Variants in ADAMTS19 observed in about 807,000 individuals in gnomAD.
The protein encoded by ADAMTS19 is A disintegrin and metalloproteinase with thrombospondin motifs 19.
ADAMTS19 carries 93 observed loss-of-function variants against 153.3 expected under a neutral mutation model. The observed-to-expected ratio is 0.61, with a 90% CI of 0.51 to 0.72. ADAMTS19 has a LOEUF of 0.72. Ranked by LOEUF, ADAMTS19 falls within the 30% of genes least tolerant of loss-of-function variation. ADAMTS19 has a pLI of 0.00. For synonymous variants in ADAMTS19, 600 were observed against 556.6 expected, an observed-to-expected ratio of 1.08 and a Z score of -1.10; for missense variants, 1,482 against 1,552.1, an observed-to-expected ratio of 0.95 and a Z score of 0.76.
chr5:129,476,478 A>G (rs1340271336), intron 2 of ADAMTS19, among the ~76,000 whole-genome samples: 1 of 152,142 alleles, frequency 6.6e-6, no homozygotes. Context: ...AAATACGGAC[A>G]AATGAACAAA....
chr5:129,640,293 A>G (rs1219448831), intron 10 of ADAMTS19, among the ~76,000 whole-genome samples: 3 of 152,176 alleles, frequency 2.0e-5, no homozygotes, highest in Non-Finnish European at 2.9e-5. Context: ...AAAAAAGCTT[A>G]CAAACAGTTC....
At chr5:129,643,287 G>C (rs1463738144) in intron 11 of ADAMTS19, among the ~76,000 whole-genome samples, 1 of 149,362 alleles carries the variant, frequency 6.7e-6, no homozygotes, top group African/African-American at 2.5e-5. Context: ...GCTTGAGCCT[G>C]GAAGGCAGAG....
At chr5:129,468,178 G>A (rs1749937373) in intron 2 of ADAMTS19, among the ~76,000 whole-genome samples, 1 of 152,114 alleles carries the variant, frequency 6.6e-6, no homozygotes, top group Admixed American at 6.6e-5. Context: ...ATGTTAAAGG[G>A]CATGAGTATT....
At chr5:129,730,969 TTTTGTTTGA>T (rs538158333) in intron 21 of ADAMTS19, among the ~76,000 whole-genome samples, 1,486 of 148,104 alleles carry the variant, frequency 0.01, 11 homozygotes, top group Non-Finnish European at 0.017. Context: ...TTTTGTTTTG[TTTTGTTTGA>T]GACAGAGTCT....
chr5:129,519,561 C>T (rs1051064272), intron 3 of ADAMTS19, among the ~76,000 whole-genome samples: 1 of 151,886 alleles, frequency 6.6e-6, no homozygotes, highest in East Asian at 1.9e-4. Flanking sequence ...ATGGCCTAGC[C>T]TGCCTTTCAA....
At chr5:129,485,992 C>T (rs1561534948) in intron 2 of ADAMTS19, among the ~76,000 whole-genome samples, 4 of 152,008 alleles carry the variant, frequency 2.6e-5, no homozygotes, top group South Asian at 2.1e-4. Context: ...GGTTTCGCTA[C>T]GTTGGCCAGG....
chr5:129,557,700 A>T (rs977742553), intron 7 of ADAMTS19, among the ~76,000 whole-genome samples: 5 of 152,192 alleles, frequency 3.3e-5, no homozygotes, highest in Non-Finnish European at 7.4e-5. Flanking sequence ...AAGATGGATT[A>T]TTTCAATGTT....
intron 19 of ADAMTS19, among the ~76,000 whole-genome samples, chr5:129,697,306 G>A (rs972343469): frequency 2.0e-5 from 3 of 152,068 alleles, no homozygotes; most frequent in African/African-American, 7.2e-5. Context: ...AGTTTTTCAA[G>A]TTTAGTTTTG....
At chr5:129,597,311 C>T (rs769637157) in intron 8 of ADAMTS19, among the ~76,000 whole-genome samples, 2 of 152,056 alleles carry the variant, frequency 1.3e-5, no homozygotes, top group Admixed American at 6.5e-5. Context: ...TTGCCAGACA[C>T]GTTTTTAAGT....
chr5:129,488,101 TACTC>T (rs995743752), intron 2 of ADAMTS19, among the ~76,000 whole-genome samples: 7 of 152,096 alleles, frequency 4.6e-5, no homozygotes, highest in African/African-American at 1.4e-4. Context: ...ACCCTATAAA[TACTC>T]ACAGCAAAGA....
chr5:129,553,795 A>G (rs1353532599), intron 7 of ADAMTS19, among the ~76,000 whole-genome samples: 1 of 152,152 alleles, frequency 6.6e-6, no homozygotes, highest in African/African-American at 2.4e-5. Context: ...ATGAAAACTT[A>G]TAACAACCAA....
intron 2 of ADAMTS19, among the ~76,000 whole-genome samples, chr5:129,471,175 A>G (rs1290465019): frequency 2.0e-5 from 3 of 151,584 alleles, no homozygotes; most frequent in Non-Finnish European, 4.4e-5. Context: ...AGACTGAATG[A>G]CAAACCTAAA....
intron 6 of ADAMTS19, among the ~76,000 whole-genome samples, chr5:129,546,940 T>C (rs544967115): frequency 6.6e-6 from 1 of 151,016 alleles, no homozygotes. Flanking sequence ...AGAGATTGGA[T>C]TAAAAGAATG....
chr5:129,624,728 A>T (rs1305144958), intron 10 of ADAMTS19, among the ~76,000 whole-genome samples: 1 of 152,224 alleles, frequency 6.6e-6, no homozygotes. Context: ...TTATTTTAAT[A>T]TATCACATGC....
rs140774439 is a variant in ADAMTS19, at chr5:129,609,207, G to C, written c.1479-11411G>C. 4.1e-3 allele frequency among the ~76,000 whole-genome samples: 630 copies of C among 152,288 alleles called. 5 individuals carry two copies. Among genetic ancestry groups the C allele is most frequent in the African/African-American group, 0.015 (609 of 41,570 alleles). Reference sequence around the variant, plus strand: ...AGTTGAGAGGGAAAGTGCATTATTAGACATACAGCCTTGGGCTTGAATTAT... The same window carrying C: ...AGTTGAGAGGGAAAGTGCATTATTACACATACAGCCTTGGGCTTGAATTAT... On this transcript the variant is annotated intron_variant, in intron 8 of 22. Coordinates refer to ENST00000274487, the MANE Select transcript of ADAMTS19 (RefSeq NM_133638.6).
At chr5:129,654,234 A>C (rs1026008838) in intron 13 of ADAMTS19, 72 bp from the exon 14 acceptor site, 1 of 1,425,848 alleles carries the variant, frequency 7.0e-7, no homozygotes, top group Non-Finnish European at 9.4e-7. Flanking sequence ...ACGATTCTTA[A>C]AAATGAAGCT....
chr5:129,709,445 A>T (rs1407575808), intron 21 of ADAMTS19, among the ~76,000 whole-genome samples: 1 of 152,150 alleles, frequency 6.6e-6, no homozygotes, highest in Non-Finnish European at 1.5e-5. Flanking sequence ...ATGTTACTGA[A>T]ATCCACTTCA....
intron 21 of ADAMTS19, among the ~76,000 whole-genome samples, chr5:129,731,776 A>G (rs1278101366): frequency 2.0e-5 from 3 of 152,158 alleles, no homozygotes; most frequent in Admixed American, 1.3e-4. Flanking sequence ...ATATGTCTGT[A>G]TACTTAAAAG....
chr5:129,572,429 CA>C (rs2126866406), intron 7 of ADAMTS19, among the ~76,000 whole-genome samples: 1 of 151,904 alleles, frequency 6.6e-6, no homozygotes, highest in Admixed American at 6.6e-5. Flanking sequence ...GCATTTACTT[CA>C]AAAAAACGAA....
Sources: gnomAD v4.1 joint callset for allele counts (sites outside exome capture counted in the v4.1 genomes callset) on GRCh38, gnomAD v4.1.1 for gene constraint, MANE v1.5 for transcripts, NCBI Gene and HGNC (gene_info 2026-07-23, HGNC 2026-07-21) for gene names.